The following PPP2R2C variants were observed in gnomAD, a reference collection of about 807,000 sequenced individuals.
PPP2R2C encodes the protein protein phosphatase 2 regulatory subunit Bgamma, also known as protein phosphatase 2, regulatory subunit B, gamma.
In PPP2R2C, 10 loss-of-function variants were observed where a neutral mutation model predicts 45.3. The observed-to-expected ratio is 0.22, with a 90% CI of 0.14 to 0.37. PPP2R2C has a LOEUF of 0.37. PPP2R2C is among the 10% of genes least tolerant of loss of function. The pLI, the probability that PPP2R2C is intolerant of heterozygous loss-of-function variation, is 1.00. For missense variants in PPP2R2C, 308 were observed against 619.7 expected (o/e 0.50, Z 5.34); for synonymous variants, 257 against 245.4 (o/e 1.05, Z -0.44).
intron 2 of PPP2R2C, among the ~76,000 whole-genome samples, chr4:6,521,871 C>T (rs948657806): frequency 3.3e-5 from 5 of 152,118 alleles, no homozygotes; most frequent in African/African-American, 4.8e-5. Context: ...ACGGAAGAGC[C>T]GGGAAGCACA....
At chr4:6,414,258 A>G (rs1454783407) in intron 1 of PPP2R2C, among the ~76,000 whole-genome samples, 1 of 151,996 alleles carries the variant, frequency 6.6e-6, no homozygotes, top group Non-Finnish European at 1.5e-5. Flanking sequence ...CAGGCAGTGG[A>G]TTTATTCGGC....
chr4:6,518,922 TAAAAAAAAAAAAAAAAA>T (rs56002128), intron 2 of PPP2R2C, among the ~76,000 whole-genome samples: 23 of 92,924 alleles, frequency 2.5e-4, no homozygotes, highest in African/African-American at 8.7e-4. Context: ...GACTCTGTCT[TAAAAAAAAAAAAAAAAA>T]AAAAAAAAAA....
At chr4:6,414,134 A>G in intron 1 of PPP2R2C, 2 of 1,228,796 alleles carry the variant, frequency 1.6e-6, no homozygotes. Flanking sequence ...ACAGGTAAAT[A>G]AACATTGAAA....
At chr4:6,555,247 C>T (rs181719984) in intron 1 of PPP2R2C, among the ~76,000 whole-genome samples, 9 of 152,306 alleles carry the variant, frequency 5.9e-5, no homozygotes, top group Non-Finnish European at 8.8e-5. Flanking sequence ...GATTTCAGCA[C>T]AGGACTACTG....
intron 1 of PPP2R2C, chr4:6,382,351 C>A: frequency 7.6e-7 from 1 of 1,321,274 alleles, no homozygotes; most frequent in Non-Finnish European, 9.9e-7. Context: ...TACTTTCAAA[C>A]CAGCCACAGA....
At chr4:6,497,126 G>A (rs185358791) in intron 2 of PPP2R2C, among the ~76,000 whole-genome samples, 1 of 152,206 alleles carries the variant, frequency 6.6e-6, no homozygotes, top group East Asian at 1.9e-4. Flanking sequence ...AGAGGGAGGA[G>A]GCACCCCAAC....
intron 1 of PPP2R2C, among the ~76,000 whole-genome samples, chr4:6,402,040 G>A (rs140724101): frequency 6.6e-6 from 1 of 152,324 alleles, no homozygotes; most frequent in African/African-American, 2.4e-5. Flanking sequence ...TGCGCATTGA[G>A]GTTAATGATG....
At chr4:6,418,786 G>A (rs570883015) in intron 1 of PPP2R2C, among the ~76,000 whole-genome samples, 49 of 152,366 alleles carry the variant, frequency 3.2e-4, no homozygotes, top group African/African-American at 1.1e-3. Context: ...CCTGCCTGCT[G>A]GGTGGTCAGA....
At chr4:6,472,045 T>TGGGGC (rs1721926054) in intron 1 of PPP2R2C, 115 bp downstream of exon 1, 2 of 1,019,048 alleles carry the variant, frequency 2.0e-6, no homozygotes, top group African/African-American at 4.0e-5. Context: ...TGGGGTGGGG[T>TGGGGC]GGGGCGGGGG....
At chr4:6,433,738 C>T (rs1475550157) in intron 1 of PPP2R2C, among the ~76,000 whole-genome samples, 1 of 152,182 alleles carries the variant, frequency 6.6e-6, no homozygotes, top group Non-Finnish European at 1.5e-5. Flanking sequence ...TGACTCAGTT[C>T]ATCCTCAACA....
rs1185835295 is a variant in PPP2R2C, at chr4:6,554,887, AAAGG to A, written c.-59+8669_-59+8672del. 5.4e-3 allele frequency among the ~76,000 whole-genome samples: 572 copies of A among 106,016 alleles called. 7 individuals are homozygous for A. Among genetic ancestry groups the A allele is most frequent in the African/African-American group, 0.017 (434 of 25,772 alleles). 69.6% of individuals were successfully genotyped at this position (106,016 alleles called of 152,430 possible). On this transcript the variant is annotated intron_variant, in intron 1 of 9. Transcript: ENST00000506140. ...AAAAAAAAAAAAGAAAAAGAAAAAG[AAAGG>A]AAGGAAGGAAGGAAGGAAGGAAGGA...
At chr4:6,549,420 G>A (rs1245644368) in intron 1 of PPP2R2C, among the ~76,000 whole-genome samples, 1 of 152,200 alleles carries the variant, frequency 6.6e-6, no homozygotes, top group Non-Finnish European at 1.5e-5. Context: ...CCCGGAGGAG[G>A]TGACTTTTCA....
In PPP2R2C at chr4:6,439,600, C is replaced by T. The variant is rs1360797243; in HGVS notation, c.70+32560G>A. ...GCCCTGGGAGCAGCCCCTCCCGCTT[C>T]GTCTCCTAGAAAGTCTGCTCTTCTC... On this transcript the variant is annotated intron_variant, in intron 1 of 8. Coordinates refer to ENST00000382599, the MANE Select transcript of PPP2R2C (RefSeq NM_020416.4). Among the ~76,000 whole-genome samples the T allele has an allele frequency of 2.6e-5, 4 of 152,182 alleles. No individual in the cohort carries two copies. The East Asian group carries it at 5.8e-4, about 22-fold the overall frequency.
intron 8 of PPP2R2C, among the ~76,000 whole-genome samples, chr4:6,327,581 T>A (rs923089626): frequency 6.6e-6 from 1 of 152,170 alleles, no homozygotes; most frequent in South Asian, 2.1e-4. Context: ...CCGATTTGGA[T>A]AGACCCTCTT....
chr4:6,502,775 G>A lies in PPP2R2C; in HGVS notation c.49+32496C>T, dbSNP rs114257211. The stretch of plus-strand genomic sequence containing the variant: ...ATGAGGGTCTATTTTCATTTTATCC[G>A]AGCAATACCCAACATTTGCACTATT... On this transcript the variant is annotated intron_variant, in intron 2 of 9. Transcript: ENST00000506140. Among the ~76,000 whole-genome samples, 326 of 152,072 alleles carry A rather than the reference G, an allele frequency of 2.1e-3. No homozygotes were observed. In the Middle Eastern group the frequency reaches 0.024, roughly 11 times the overall value.
intron 2 of PPP2R2C, among the ~76,000 whole-genome samples, chr4:6,534,511 A>G (rs1724529560): frequency 1.3e-5 from 2 of 151,960 alleles, no homozygotes; most frequent in Non-Finnish European, 2.9e-5. Context: ...CATACAGCAC[A>G]CATACATCAA....
chr4:6,472,044 G>C (rs1244659259), intron 1 of PPP2R2C, 116 bp downstream of exon 1: 58 of 1,273,530 alleles, frequency 4.6e-5, no homozygotes, highest in Admixed American at 6.1e-5. Context: ...GTGGGGTGGG[G>C]TGGGGCGGGG....
chr4:6,535,105 C>T (rs1384045379), intron 2 of PPP2R2C, among the ~76,000 whole-genome samples: 2 of 152,196 alleles, frequency 1.3e-5, no homozygotes, highest in Non-Finnish European at 2.9e-5. Flanking sequence ...GCGGCAGGAG[C>T]CAGGGTCGGG....
intron 4 of PPP2R2C, among the ~76,000 whole-genome samples, chr4:6,374,873 C>T (rs919935415): frequency 2.6e-5 from 4 of 152,124 alleles, no homozygotes; most frequent in South Asian, 4.1e-4. Context: ...GCAGGGTTGG[C>T]GTGGCGTGGG....
Sources: allele counts gnomAD v4.1 joint callset (sites outside exome capture counted in the v4.1 genomes callset), GRCh38; gene constraint gnomAD v4.1.1; transcripts MANE v1.5; gene names NCBI Gene and HGNC (gene_info 2026-07-23, HGNC 2026-07-21).